SPOCK3: variants seen among roughly 807,000 people sequenced by gnomAD.
SPOCK3 encodes SPARC (osteonectin), cwcv and kazal like domains proteoglycan 3.
A neutral mutation model predicts 56.6 loss-of-function variants in SPOCK3; 30 were observed. That is an observed-to-expected ratio of 0.53 (90% CI 0.40 to 0.72). The LOEUF is 0.72. Among genes scored for constraint, SPOCK3 ranks in the 30% least tolerant of loss-of-function variants. The probability of loss-of-function intolerance (pLI) is 0.00; values close to 1 mark genes in which losing one functional copy is unlikely to be tolerated. For synonymous variants in SPOCK3, 196 were observed against 183.3 expected (o/e 1.07, Z -0.56); for missense variants, 527 against 530.0 (o/e 0.99, Z 0.06).
At chr4:166,937,737 ATTTTTTCTTTTTTCTATTT>A (rs1401682645) in intron 4 of SPOCK3, among the ~76,000 whole-genome samples, 1 of 142,744 alleles carries the variant, frequency 7.0e-6, no homozygotes, top group Non-Finnish European at 1.5e-5. Flanking sequence ...GATTATATAT[ATTTTTTCTTTTTTCTATTT>A]TTTTTTCTTT....
rs141405392 is a variant in SPOCK3, at chr4:167,025,313, G to A, written c.236-24850C>T. 1.4e-4 allele frequency among the ~76,000 whole-genome samples: 21 copies of A among 151,590 alleles called. No homozygotes were observed. In the East Asian group the frequency reaches 4.1e-3, roughly 30 times the overall value. On this transcript the variant is annotated intron_variant, in intron 3 of 10. Coordinates refer to ENST00000357545, the MANE Select transcript of SPOCK3 (RefSeq NM_001040159.2). ...ATTCCCCCATTAACCAGCAGGCCAA[G>A]CCTACCAAAACTATCCATCAATGAA...
intron 5 of SPOCK3, among the ~76,000 whole-genome samples, chr4:166,910,480 G>C (rs912207912): frequency 1.3e-5 from 2 of 152,116 alleles, no homozygotes; most frequent in African/African-American, 4.8e-5. Flanking sequence ...CCATGAAATT[G>C]AAGATATACC....
intron 2 of SPOCK3, among the ~76,000 whole-genome samples, chr4:167,065,879 A>T (rs986649902): frequency 6.6e-6 from 1 of 151,840 alleles, no homozygotes; most frequent in African/African-American, 2.4e-5. Flanking sequence ...AAACAACTAC[A>T]AGAGTTGCCC....
chr4:166,749,402 C>A (rs1736075159), intron 8 of SPOCK3, among the ~76,000 whole-genome samples: 1 of 150,712 alleles, frequency 6.6e-6, no homozygotes, highest in Non-Finnish European at 1.5e-5. Context: ...AAACCAAACA[C>A]CACATGTTCT....
At chr4:166,889,267 A>C (rs762698391) in intron 5 of SPOCK3, 23 bp from the exon 6 acceptor site, 11 of 1,434,732 alleles carry the variant, frequency 7.7e-6, no homozygotes, top group Non-Finnish European at 9.7e-6. Context: ...AGAAAAAAAA[A>C]GTAATTCAAA....
intron 2 of SPOCK3, among the ~76,000 whole-genome samples, chr4:167,232,136 C>G (rs1484042580): frequency 2.5e-4 from 38 of 152,058 alleles, no homozygotes; most frequent in Non-Finnish European, 2.9e-5. Context: ...GTAGGCAACT[C>G]AGCTTGTCTC....
chr4:167,119,721 T>A, intron 2 of SPOCK3: 1 of 1,068,852 alleles, frequency 9.4e-7, no homozygotes, highest in Non-Finnish European at 1.4e-6. Flanking sequence ...ATAGAGAACG[T>A]TATGTCTATA....
chr4:166,853,518 A>G (rs1043910418), intron 6 of SPOCK3, among the ~76,000 whole-genome samples: 1 of 152,204 alleles, frequency 6.6e-6, no homozygotes, highest in Non-Finnish European at 1.5e-5. Flanking sequence ...CAAAGGCATT[A>G]AAACTCTCTC....
intron 3 of SPOCK3, among the ~76,000 whole-genome samples, chr4:167,056,729 T>C (rs374199612): frequency 2.0e-5 from 3 of 151,730 alleles, no homozygotes; most frequent in East Asian, 1.9e-4. Flanking sequence ...GAAGGGAAGT[T>C]TAGAGAAAAA....
intron 5 of SPOCK3, among the ~76,000 whole-genome samples, chr4:166,901,388 G>T (rs1352679466): frequency 6.6e-6 from 1 of 152,138 alleles, no homozygotes; most frequent in Non-Finnish European, 1.5e-5. Flanking sequence ...CACCTGCAAA[G>T]TCACATCAAT....
In SPOCK3 at chr4:166,733,813, CGT is replaced by C. The variant is rs1040713348; in HGVS notation, c.*1106_*1107del. The C allele has an allele frequency of 4.6e-5, 7 of 152,140 alleles. No individual in the cohort carries two copies. The highest frequency in any genetic ancestry group is 8.9e-5 in the Non-Finnish European group (6 of 67,746). The allele number at this position is 152,140 out of a possible 1,614,324, so 9.4% of individuals were successfully genotyped here. On this transcript the variant is annotated 3_prime_UTR_variant, in exon 11 of 11. Transcript: ENST00000357545. ...GTAACAATAGAAAAAAAGAAACAAA[CGT>C]ATCCCATTTTCTTCATTCCAGCAGC...
At chr4:166,805,969 C>A (rs564361524) in intron 6 of SPOCK3, among the ~76,000 whole-genome samples, 1 of 151,856 alleles carries the variant, frequency 6.6e-6, no homozygotes, top group South Asian at 2.1e-4. Flanking sequence ...TTGCTGTTTG[C>A]GGGAAAGCAC....
intron 6 of SPOCK3, among the ~76,000 whole-genome samples, chr4:166,824,697 A>G (rs1745280384): frequency 6.6e-6 from 1 of 152,124 alleles, no homozygotes. Context: ...CTTGAGAAGA[A>G]GACTAAAGAT....
intron 6 of SPOCK3, among the ~76,000 whole-genome samples, chr4:166,796,300 T>C (rs935157118): frequency 1.3e-5 from 2 of 152,020 alleles, no homozygotes; most frequent in African/African-American, 4.8e-5. Flanking sequence ...GCAATATGAG[T>C]TGTTAATTAT....
At chr4:166,937,859 G>A (rs1447620209) in intron 4 of SPOCK3, among the ~76,000 whole-genome samples, 1 of 149,278 alleles carries the variant, frequency 6.7e-6, no homozygotes, top group African/African-American at 2.5e-5. Context: ...CGCCTCCCGG[G>A]TTCACGCCAT....
intron 2 of SPOCK3, among the ~76,000 whole-genome samples, chr4:167,229,489 G>C (rs1323925450): frequency 6.6e-6 from 1 of 152,060 alleles, no homozygotes; most frequent in Admixed American, 6.6e-5. Flanking sequence ...AACAGTAGAA[G>C]TTGATAGACC....
At chr4:167,011,211 GA>G in intron 3 of SPOCK3, 1 of 445,950 alleles carries the variant, frequency 2.2e-6, no homozygotes, top group South Asian at 1.6e-5. Context: ...AAAAATGCGG[GA>G]AAAGCTTACC....
chr4:166,789,165 C>T (rs992058256), intron 7 of SPOCK3, among the ~76,000 whole-genome samples: 5 of 152,090 alleles, frequency 3.3e-5, no homozygotes, highest in African/African-American at 9.7e-5. Context: ...TGCGGTGGCT[C>T]ACCCCTGTAA....
At chr4:166,833,620 C>T (rs920996424) in intron 6 of SPOCK3, among the ~76,000 whole-genome samples, 1 of 152,162 alleles carries the variant, frequency 6.6e-6, no homozygotes, top group African/African-American at 2.4e-5. Context: ...ACATACTGCT[C>T]ATTACATTCT....
Sources: gnomAD v4.1 joint callset for allele counts (sites outside exome capture counted in the v4.1 genomes callset) on GRCh38, gnomAD v4.1.1 for gene constraint, MANE v1.5 for transcripts, NCBI Gene and HGNC (gene_info 2026-07-23, HGNC 2026-07-21) for gene names.